The following RARB variants were observed in gnomAD, a reference collection of about 807,000 sequenced individuals.
The protein encoded by RARB is retinoic acid receptor beta.
Under a neutral mutation model 51.9 loss-of-function variants are expected in RARB, and 17 were observed. That is an observed-to-expected ratio of 0.33 (90% CI 0.22 to 0.49). The LOEUF (loss-of-function observed/expected upper bound fraction) is 0.49, where lower values mean the gene tolerates loss of function less well. Ranked by LOEUF, RARB falls within the 20% of genes least tolerant of loss-of-function variation. RARB has a pLI of 0.99. For missense variants in RARB, 369 were observed against 550.8 expected, an observed-to-expected ratio of 0.67 and a Z score of 3.30; for synonymous variants, 215 against 195.4, an observed-to-expected ratio of 1.10 and a Z score of -0.84.
chr3:25,222,310 G>C lies in RARB; in HGVS notation c.178+47735G>C, dbSNP rs113921215. 5.6e-3 allele frequency among the ~76,000 whole-genome samples: 854 copies of C among 152,186 alleles called. 13 individuals are homozygous for C. The highest frequency in any genetic ancestry group is 0.018 in the African/African-American group (754 of 41,508). On this transcript the variant is annotated intron_variant, in intron 5 of 11. Coordinates refer to the RARB transcript ENST00000383772. The stretch of plus-strand genomic sequence containing the variant: ...AAGCTATCAAAACCAGTGACCACCT[G>C]CCCCTAAACTCTTCTAAGTTTTTCT...
chr3:24,970,289 G>A (rs1208874472), intron 2 of RARB, among the ~76,000 whole-genome samples: 1 of 152,010 alleles, frequency 6.6e-6, no homozygotes. Flanking sequence ...GAAAGTTTGA[G>A]GTGTAGGTAT....
chr3:24,840,962 A>G (rs894898585), intron 1 of RARB, among the ~76,000 whole-genome samples: 2 of 152,134 alleles, frequency 1.3e-5, no homozygotes, highest in Non-Finnish European at 2.9e-5. Context: ...AAATGCCACA[A>G]TGCACTGTGA....
At chr3:25,067,420 T>C (rs969595996) in intron 3 of RARB, among the ~76,000 whole-genome samples, 1 of 152,180 alleles carries the variant, frequency 6.6e-6, no homozygotes, top group Non-Finnish European at 1.5e-5. Context: ...GGTTCAGACA[T>C]TGACAAGAGC....
intron 2 of RARB, among the ~76,000 whole-genome samples, chr3:25,037,534 C>CT (rs1698022803): frequency 6.6e-6 from 1 of 151,996 alleles, no homozygotes; most frequent in African/African-American, 2.4e-5. Flanking sequence ...ATGGATTGAC[C>CT]TAGGAGAGTG....
At chr3:25,244,448 T>G (rs1388486359) in intron 5 of RARB, among the ~76,000 whole-genome samples, 2 of 152,194 alleles carry the variant, frequency 1.3e-5, no homozygotes, top group Non-Finnish European at 2.9e-5. Context: ...TGTGGGTATT[T>G]AGTGTTACAA....
At chr3:24,910,495 CTG>C (rs1213714745) in intron 2 of RARB, among the ~76,000 whole-genome samples, 2 of 152,128 alleles carry the variant, frequency 1.3e-5, no homozygotes, top group African/African-American at 4.8e-5. Flanking sequence ...TGTGAATAAT[CTG>C]TGTTTACAAA....
intron 3 of RARB, among the ~76,000 whole-genome samples, chr3:25,066,799 AC>A (rs1207027449): frequency 6.6e-6 from 1 of 152,144 alleles, no homozygotes; most frequent in African/African-American, 2.4e-5. Context: ...GCCATATTAT[AC>A]TCCTTTGTCC....
At position 25,056,590 on chromosome 3, in the gene RARB, A is replaced by G. The variant is rs1256085354; in HGVS notation, c.-379-3535A>G. Among the ~76,000 whole-genome samples, 4 of 152,116 alleles carry G rather than the reference A, an allele frequency of 2.6e-5. No homozygotes were observed. The East Asian group carries it at 5.8e-4, about 22-fold the overall frequency. ...AAAGTTGGGACTCTGTCCCAGAGCA[A>G]TAGATCCTCTTAGTAGCAGTTTCAT... On this transcript the variant is annotated intron_variant, in intron 2 of 11. Coordinates refer to the RARB transcript ENST00000383772.
intron 3 of RARB, among the ~76,000 whole-genome samples, chr3:25,070,603 G>T (rs1189753394): frequency 1.3e-5 from 2 of 152,190 alleles, no homozygotes; most frequent in African/African-American, 2.4e-5. Context: ...GGATACAGTA[G>T]TGATTAGTAA....
At chr3:25,392,422 TG>T (rs1559382777) in intron 5 of RARB, among the ~76,000 whole-genome samples, 1 of 152,112 alleles carries the variant, frequency 6.6e-6, no homozygotes, top group East Asian at 1.9e-4. Flanking sequence ...TTTAGTTGTG[TG>T]AAGAATGATG....
chr3:25,342,233 T>C (rs1377186041), intron 5 of RARB, among the ~76,000 whole-genome samples: 3 of 152,256 alleles, frequency 2.0e-5, no homozygotes, highest in Non-Finnish European at 2.9e-5. Flanking sequence ...GTGATGAGTT[T>C]AGTCACAGTA....
intron 3 of RARB, among the ~76,000 whole-genome samples, chr3:25,076,810 A>G (rs1424736316): frequency 6.6e-6 from 1 of 152,190 alleles, no homozygotes; most frequent in Non-Finnish European, 1.5e-5. Context: ...CAATTACCAC[A>G]TGGAAGAACA....
chr3:25,233,943 T>C (rs761652535), intron 5 of RARB, among the ~76,000 whole-genome samples: 5 of 152,100 alleles, frequency 3.3e-5, no homozygotes, highest in African/African-American at 9.7e-5. Context: ...TTTTCTGATA[T>C]ATTATTCTTT....
intron 5 of RARB, among the ~76,000 whole-genome samples, chr3:25,193,476 A>G (rs17578413): frequency 0.085 from 12,862 of 152,140 alleles, 716 homozygotes; most frequent in Non-Finnish European, 0.13. Context: ...CATTGTACCC[A>G]TGATCTGATT....
chr3:24,959,305 A>G (rs1416718176), intron 2 of RARB, among the ~76,000 whole-genome samples: 1 of 152,148 alleles, frequency 6.6e-6, no homozygotes, highest in Non-Finnish European at 1.5e-5. Flanking sequence ...GTTACTGAGG[A>G]GGATTTTATT....
At chr3:25,111,283 A>C (rs1699596373) in intron 3 of RARB, among the ~76,000 whole-genome samples, 1 of 152,224 alleles carries the variant, frequency 6.6e-6, no homozygotes, top group Non-Finnish European at 1.5e-5. Flanking sequence ...GAGTCAAAAT[A>C]ATATTTAATT....
chr3:24,964,680 C>A (rs545397497), intron 2 of RARB, among the ~76,000 whole-genome samples: 1 of 152,078 alleles, frequency 6.6e-6, no homozygotes, highest in Non-Finnish European at 1.5e-5. Context: ...TTGGGAGTAA[C>A]GAACCATTGA....
Position 25,501,225 on chromosome 3 carries a change from G to C in RARB, c.350G>C (p.Cys117Ser). The change falls in exon 3 of 8, where the codon TGT (cysteine) becomes TCT (serine). Residue 117 changes from cysteine (C) to serine (S), a missense_variant. By Grantham distance (112) the Cys-to-Ser change is moderately radical. Around this residue, in one of 9 missense-constraint regions of RARB, gnomAD observed 26 missense variants for 28.8 expected, o/e 0.90. Coordinates refer to ENST00000330688, the MANE Select transcript of RARB (RefSeq NM_000965.5). ...ATTCAGAAGAATATGATTTACACTT[G>C]TCACCGAGATAAGAACTGTGTTATT... Reference protein sequence around the residue: ...RSIQKNMIYTCHRDKNCVINK... With the variant: ...RSIQKNMIYTSHRDKNCVINK... 1 of 1,608,638 alleles carries C rather than the reference G, an allele frequency of 6.2e-7. No homozygotes were observed. Among genetic ancestry groups the C allele is most frequent in the Non-Finnish European group, 8.5e-7 (1 of 1,178,320 alleles).
At chr3:25,435,441 GT>G (rs1708393974) in intron 1 of RARB, among the ~76,000 whole-genome samples, 1 of 152,094 alleles carries the variant, frequency 6.6e-6, no homozygotes, top group Admixed American at 6.5e-5. Flanking sequence ...CAGTACCTTT[GT>G]CATGTCATCA....
Sources: gnomAD v4.1 joint callset for allele counts (sites outside exome capture counted in the v4.1 genomes callset) on GRCh38, gnomAD v4.1.1 for gene constraint, gnomAD v4.1.1 regional missense constraint, MANE v1.5 for transcripts, NCBI Gene and HGNC (gene_info 2026-07-23, HGNC 2026-07-21) for gene names.